ZBTB44: variants seen among roughly 807,000 people sequenced by gnomAD.
ZBTB44 encodes the protein zinc finger and BTB domain containing 44.
Under a neutral mutation model 54.0 loss-of-function variants are expected in ZBTB44, and 15 were observed. The observed-to-expected ratio is 0.28, with a 90% CI of 0.19 to 0.43. ZBTB44 has a LOEUF of 0.43. ZBTB44 is among the 20% of genes least tolerant of loss of function. The pLI is 1.00. For synonymous variants in ZBTB44, 230 were observed against 250.1 expected (o/e 0.92, Z 0.76); for missense variants, 487 against 707.1 (o/e 0.69, Z 3.53).
chr11:130,239,089 T>C (rs944436567), intron 3 of ZBTB44: 1 of 153,082 alleles, frequency 6.5e-6, no homozygotes, highest in East Asian at 1.9e-4. Context: ...ATTAGAAAAG[T>C]AGACAGGGAT....
At chr11:130,237,445 C>T (rs1954153372) in intron 4 of ZBTB44, among the ~76,000 whole-genome samples, 1 of 152,164 alleles carries the variant, frequency 6.6e-6, no homozygotes, top group Non-Finnish European at 1.5e-5. Flanking sequence ...CATATTATTT[C>T]ATTTCATTAG....
rs141743574 is a variant in ZBTB44 at position 130,251,509 on chromosome 11, T to C, written c.1018+9347A>G. Among the ~76,000 whole-genome samples, 1,383 of 151,880 alleles carry C rather than the reference T, an allele frequency of 9.1e-3. 24 individuals are homozygous for C. The highest frequency in any genetic ancestry group is 0.03 in the African/African-American group (1,248 of 41,400). On this transcript the variant is annotated intron_variant, in intron 2 of 7. Coordinates refer to ENST00000357899, the MANE Select transcript of ZBTB44 (RefSeq NM_001301098.2). ...GACATAATCATCAGATTCTCCAAGG[T>C]TGAAATGAAGGAAAAATGTTAAGGG...
chr11:130,278,036 T>C (rs1940234879), intron 1 of ZBTB44, among the ~76,000 whole-genome samples: 1 of 152,200 alleles, frequency 6.6e-6, no homozygotes, highest in Non-Finnish European at 1.5e-5. Context: ...AGATTTTCCC[T>C]TTTTAAACTT....
At chr11:130,292,753 G>A (rs1030650774) in intron 1 of ZBTB44, among the ~76,000 whole-genome samples, 40 of 152,206 alleles carry the variant, frequency 2.6e-4, no homozygotes, top group African/African-American at 8.4e-4. Flanking sequence ...ATTTAGGAAT[G>A]GAAGAACCAC....
At chr11:130,255,868 A>G (rs1276971841) in intron 2 of ZBTB44, among the ~76,000 whole-genome samples, 5 of 150,568 alleles carry the variant, frequency 3.3e-5, no homozygotes, top group African/African-American at 7.3e-5. Flanking sequence ...GAATAGACCA[A>G]TAACAAATTC....
chr11:130,280,812 TAAG>T (rs1407934950), intron 1 of ZBTB44, among the ~76,000 whole-genome samples: 12 of 152,374 alleles, frequency 7.9e-5, no homozygotes, highest in Admixed American at 4.6e-4. Context: ...GGTCTCTCAA[TAAG>T]AAGTTTTGTT....
intron 2 of ZBTB44, among the ~76,000 whole-genome samples, chr11:130,244,645 C>T (rs1274174826): frequency 1.1e-4 from 14 of 130,972 alleles, no homozygotes; most frequent in Non-Finnish European, 1.8e-4. Context: ...CCAGCCTGGG[C>T]GACAGAGAGA....
At chr11:130,243,962 A>G (rs1954510991) in intron 2 of ZBTB44, among the ~76,000 whole-genome samples, 1 of 152,036 alleles carries the variant, frequency 6.6e-6, no homozygotes, top group African/African-American at 2.4e-5. Flanking sequence ...CAACTTTTCT[A>G]AGACTTTACA....
chr11:130,261,390 G>A lies in ZBTB44; in HGVS notation c.484C>T (p.Pro162Ser). 2 of 1,613,956 alleles carry A rather than the reference G, an allele frequency of 1.2e-6. No individual in the cohort carries two copies. Among genetic ancestry groups the A allele is most frequent in the Non-Finnish European group, 1.7e-6 (2 of 1,179,892 alleles). Residue 162 changes from proline to serine, a missense_variant, in exon 2 of 8, where the codon CCC becomes TCC. Transcript: ENST00000357899. This position sits in a 1 kb window ranked among gnomAD's most constrained non-coding sequence, Gnocchi z 4.8. Reference protein sequence around the residue: ...NFTSRDGSISPVSSECSVVER... With the variant: ...NFTSRDGSISSVSSECSVVER... ...ACCACACTGCACTCTGAGGACACGG[G>A]AGAAATGCTCCCATCTCGAGAAGTA...
intron 7 of ZBTB44, chr11:130,232,231 A>C (rs1252965818): frequency 2.6e-5 from 4 of 152,188 alleles, no homozygotes; most frequent in Non-Finnish European, 2.9e-5. Flanking sequence ...ATGGTCTAGC[A>C]CCTGAACAAA....
intron 1 of ZBTB44, among the ~76,000 whole-genome samples, chr11:130,300,446 A>T (rs748060214): frequency 1.3e-5 from 2 of 152,252 alleles, no homozygotes; most frequent in African/African-American, 2.4e-5. Flanking sequence ...AATTAAACAG[A>T]GAAGCCATAG....
At chr11:130,301,488 TG>T (rs2134452880) in intron 1 of ZBTB44, among the ~76,000 whole-genome samples, 1 of 152,156 alleles carries the variant, frequency 6.6e-6, no homozygotes, top group African/African-American at 2.4e-5. Flanking sequence ...ATCACGTAGA[TG>T]CGGGCATCTA....
intron 5 of ZBTB44, among the ~76,000 whole-genome samples, chr11:130,234,975 A>C (rs1954044215): frequency 6.6e-6 from 1 of 152,170 alleles, no homozygotes; most frequent in Non-Finnish European, 1.5e-5. Context: ...AAATATTTTA[A>C]ATTTCTTCTT....
At chr11:130,283,969 CAAAAAAAAAAAAAA>C (rs71061377) in intron 1 of ZBTB44, among the ~76,000 whole-genome samples, 10 of 45,176 alleles carry the variant, frequency 2.2e-4, no homozygotes, top group African/African-American at 9.2e-4. Flanking sequence ...GACTCCATCT[CAAAAAAAAAAAAAA>C]AAAAAAAAAA....
At position 130,226,802 on chromosome 11, in the gene ZBTB44, A is replaced by C. The variant is rs935420573; in HGVS notation, c.*4962T>G. ...CCTGCCCATCCCTTTCCTAACTGCA[A>C]CTTTATGTGTGACCATGTAATAAAG... On this transcript the variant is annotated 3_prime_UTR_variant, in exon 8 of 8. Coordinates refer to ENST00000357899, the MANE Select transcript of ZBTB44 (RefSeq NM_001301098.2). 1 of 152,180 alleles carries C rather than the reference A, an allele frequency of 6.6e-6. No individual in the cohort carries two copies. The highest frequency in any genetic ancestry group is 1.5e-5 in the Non-Finnish European group (1 of 68,024). The allele number at this position is 152,180 out of a possible 1,614,324, so 9.4% of individuals were successfully genotyped here.
At chr11:130,260,815 T>G in intron 2 of ZBTB44, 41 bp downstream of exon 2, 1 of 1,531,202 alleles carries the variant, frequency 6.5e-7, no homozygotes, top group South Asian at 1.3e-5. Context: ...AATGTTTGAA[T>G]TGACTTTATA....
At chr11:130,298,457 T>TG (rs1565334188) in intron 1 of ZBTB44, among the ~76,000 whole-genome samples, 1 of 121,162 alleles carries the variant, frequency 8.3e-6, no homozygotes, top group South Asian at 2.4e-4. Flanking sequence ...AAGTTGAAGT[T>TG]TTTTTTTTTT....
At chr11:130,295,702 G>A in intron 1 of ZBTB44, 1 of 1,520,906 alleles carries the variant, frequency 6.6e-7, no homozygotes, top group Non-Finnish European at 9.1e-7. Flanking sequence ...CTGGAAGGCA[G>A]GGATCTTCTA....
At chr11:130,287,788 C>T (rs1026174064) in intron 1 of ZBTB44, among the ~76,000 whole-genome samples, 1 of 152,020 alleles carries the variant, frequency 6.6e-6, no homozygotes, top group Admixed American at 6.5e-5. Flanking sequence ...GAATCTCAGG[C>T]CTCTTTACAC....
Sources: gnomAD v4.1 joint callset for allele counts (sites outside exome capture counted in the v4.1 genomes callset) on GRCh38, gnomAD v4.1.1 for gene constraint, Gnocchi (gnomAD v3.1) non-coding constraint, MANE v1.5 for transcripts, NCBI Gene and HGNC (gene_info 2026-07-23, HGNC 2026-07-21) for gene names.